Variants in HERC2 observed in about 807,000 individuals in gnomAD.
HERC2 encodes E3 ubiquitin-protein ligase HERC2.
Under a neutral mutation model 537.7 loss-of-function variants are expected in HERC2, and 102 were observed. The observed-to-expected ratio is 0.19, with a 90% CI of 0.16 to 0.22. HERC2 has a LOEUF of 0.22. Among genes scored for constraint, HERC2 ranks in the 10% least tolerant of loss-of-function variants. The pLI is 1.00. For synonymous variants in HERC2, 2,224 were observed against 2,466.2 expected (o/e 0.90, Z 2.91); for missense variants, 4,236 against 6,198.2 (o/e 0.68, Z 10.63).
intron 35 of HERC2, among the ~76,000 whole-genome samples, chr15:28,223,335 C>T (rs554046405): frequency 6.6e-6 from 1 of 152,022 alleles, no homozygotes; most frequent in Non-Finnish European, 1.5e-5. Flanking sequence ...TCCAGGTGGG[C>T]GGGAAAAAGA....
At chr15:28,267,488 G>A (rs903644044) in intron 12 of HERC2, among the ~76,000 whole-genome samples, 2 of 152,134 alleles carry the variant, frequency 1.3e-5, no homozygotes, top group Non-Finnish European at 2.9e-5. Flanking sequence ...TTCAAGTCCC[G>A]TGTACCCCAT....
At chr15:28,221,955 A>G (rs1900563883) in intron 36 of HERC2, 73 bp downstream of exon 36, 3 of 1,045,094 alleles carry the variant, frequency 2.9e-6, no homozygotes, top group Admixed American at 1.7e-5. Context: ...ATTTCCACCC[A>G]CCAATATCGT....
rs538410663 is a variant in HERC2 at position 28,145,309 on chromosome 15, A to G, written c.11009-505T>C. On this transcript the variant is annotated intron_variant, in intron 71 of 92. Transcript: ENST00000261609. ...GGAGCAGAGGGCCTGGCTGCTGTGG[A>G]CAGGAGCGGTGGTGTACTACACCTA... Among the ~76,000 whole-genome samples, 22 of 152,354 alleles carry G rather than the reference A, an allele frequency of 1.4e-4. No homozygotes were observed. In the South Asian group the frequency reaches 4.6e-3, roughly 32 times the overall value.
At chr15:28,250,679 A>G (rs552947677) in intron 20 of HERC2, among the ~76,000 whole-genome samples, 2,969 of 152,232 alleles carry the variant, frequency 0.02, 79 homozygotes, top group African/African-American at 0.068. Flanking sequence ...AAAAAAGGAC[A>G]TGAAATGTCT....
chr15:28,277,462 C>CT (rs1399738242), intron 5 of HERC2, among the ~76,000 whole-genome samples: 23 of 69,880 alleles, frequency 3.3e-4, no homozygotes, highest in Non-Finnish European at 7.9e-4. Flanking sequence ...CCACAATTAT[C>CT]TAAAAAAAAA....
chr15:28,296,394 A>G (rs1428334989), intron 3 of HERC2, among the ~76,000 whole-genome samples: 1 of 152,070 alleles, frequency 6.6e-6, no homozygotes, highest in Non-Finnish European at 1.5e-5. Context: ...AACTGCTTGA[A>G]CCGGGGAGGC....
rs149188455 is a variant in HERC2 at position 28,211,121 on chromosome 15, C to T, written c.6950G>A (p.Arg2317Gln). 47 of 1,598,126 alleles carry T rather than the reference C, an allele frequency of 2.9e-5. No homozygotes were observed. In the Middle Eastern group the frequency reaches 6.8e-4, roughly 23 times the overall value. Residue 2317 changes from arginine (R) to glutamine (Q), a missense_variant, in exon 44 of 93, where the codon CGG becomes CAG. By Grantham distance (43) the Arg-to-Gln change is conservative (BLOSUM62 1). This residue lies in a region of HERC2 where 67 missense variants were observed against 140.1 expected (regional missense o/e 0.48). Coordinates refer to ENST00000261609, the MANE Select transcript of HERC2 (RefSeq NM_004667.6). ...FAGQVDLDLL[R>Q]CQQLKLYILK... ...GATGTATAGCTTCAACTGCTGGCAC[C>T]GCAGCAGGTCCAGGTCCACTTGTCC...
intron 48 of HERC2, among the ~76,000 whole-genome samples, chr15:28,199,738 G>C (rs1897714072): frequency 6.6e-6 from 1 of 152,086 alleles, no homozygotes; most frequent in Admixed American, 6.5e-5. Context: ...GATGGGGCCG[G>C]AGGGAGTACA....
chr15:28,154,964 G>A (rs1892841313), intron 69 of HERC2, among the ~76,000 whole-genome samples: 1 of 131,494 alleles, frequency 7.6e-6, no homozygotes, highest in Non-Finnish European at 1.5e-5. Context: ...CCCTTCCTGT[G>A]TCCAAGTGTT....
intron 21 of HERC2, 24 bp downstream of exon 21, chr15:28,248,528 A>C (rs956452960): frequency 6.3e-7 from 1 of 1,588,414 alleles, no homozygotes; most frequent in Non-Finnish European, 8.6e-7. Context: ...CATACAAGAC[A>C]CTTTCACATT....
Position 28,237,067 on chromosome 15 carries a change from G to A in HERC2, c.3899C>T (p.Ser1300Leu). 1.3e-6 allele frequency: 2 copies of A among 1,588,620 alleles called. No individual in the cohort carries two copies. The highest frequency in any genetic ancestry group is 1.7e-6 in the Non-Finnish European group (2 of 1,158,436). The change falls in exon 26 of 93, where the codon TCA (serine) becomes TTA (leucine). Residue 1300 changes from serine to leucine, a missense_variant. Physicochemically the swap from Ser to Leu is moderately radical, Grantham distance 145. Around this residue, in one of 27 missense-constraint regions of HERC2, gnomAD observed 754 missense variants for 1,085.0 expected, o/e 0.69. Transcript: ENST00000261609. Reference protein sequence around the residue: ...VTIPDLGSLSSPLIDTERNLG... With the variant: ...VTIPDLGSLSLPLIDTERNLG... ...ATTCCTCTCTGTGTCTATCAGAGGT[G>A]AAGAGAGACTCCCCAGATCTGGTAT... is the stretch of plus-strand genomic sequence containing the variant.
At chr15:28,320,848 G>C (rs1159480519) in intron 2 of HERC2, among the ~76,000 whole-genome samples, 2 of 151,972 alleles carry the variant, frequency 1.3e-5, no homozygotes, top group African/African-American at 4.8e-5. Context: ...TTCTTGATGT[G>C]AAAATCTGAG....
rs1899322907 is a variant in HERC2 at position 28,212,211 on chromosome 15, G to A, written c.6925+234C>T. 2.0e-5 allele frequency among the ~76,000 whole-genome samples: 3 copies of A among 152,206 alleles called. No individual in the cohort carries two copies. The South Asian group carries it at 6.2e-4, about 32-fold the overall frequency. ...GATAAAGGGTGACACGGAGAAGAGG[G>A]TGTGAGCCATGGGGTTCTTCAAGTG... On this transcript the variant is annotated intron_variant, in intron 43 of 92. Transcript: ENST00000261609.
At chr15:28,244,946 A>G (rs578081528) in intron 23 of HERC2, among the ~76,000 whole-genome samples, 9 of 152,228 alleles carry the variant, frequency 5.9e-5, no homozygotes, top group Admixed American at 2.6e-4. Context: ...CTAGAACCAT[A>G]GAAAGCATGG....
chr15:28,231,200 T>C (rs1901804052), intron 30 of HERC2, among the ~76,000 whole-genome samples: 1 of 152,178 alleles, frequency 6.6e-6, no homozygotes, highest in Non-Finnish European at 1.5e-5. Context: ...AACATGATAA[T>C]ACACCTGGGC....
intron 69 of HERC2, among the ~76,000 whole-genome samples, chr15:28,158,003 C>T (rs559515925): frequency 1.3e-5 from 2 of 152,290 alleles, no homozygotes; most frequent in African/African-American, 4.8e-5. Flanking sequence ...ACCCACTAGT[C>T]ATTCAGGAGC....
intron 78 of HERC2, among the ~76,000 whole-genome samples, chr15:28,140,392 A>T (rs1048914601): frequency 6.6e-6 from 1 of 152,230 alleles, no homozygotes; most frequent in African/African-American, 2.4e-5. Context: ...AACAGCATTC[A>T]TTTAGAGACT....
chr15:28,228,546 T>C (rs983113929), intron 34 of HERC2, 137 bp from the exon 35 acceptor site: 3 of 824,890 alleles, frequency 3.6e-6, no homozygotes, highest in Non-Finnish European at 4.0e-6. Context: ...GATGCAAGAA[T>C]AAACGTAACG....
chr15:28,112,082 GTTTAC>G (rs1887702267), intron 92 of HERC2, 47 bp from the exon 93 acceptor site: 1 of 1,582,240 alleles, frequency 6.3e-7, no homozygotes. Flanking sequence ...TACGGCTGCA[GTTTAC>G]TTTACTGTGC....
Sources: allele counts gnomAD v4.1 joint callset (sites outside exome capture counted in the v4.1 genomes callset), GRCh38; gene constraint gnomAD v4.1.1; regional missense constraint gnomAD v4.1.1; transcripts MANE v1.5; gene names NCBI Gene and HGNC (gene_info 2026-07-23, HGNC 2026-07-21).